The following PCDH15 variants were observed in gnomAD, a reference collection of about 807,000 sequenced individuals.
PCDH15 encodes the protein protocadherin related 15, also known as protocadherin-15.
In PCDH15, 129 loss-of-function variants were observed where a neutral mutation model predicts 178.5. The observed-to-expected ratio is 0.72, with a 90% CI of 0.63 to 0.84. The LOEUF is 0.84. PCDH15 is among the 40% of genes least tolerant of loss of function. The pLI is 0.00. For synonymous variants in PCDH15, 800 were observed against 732.0 expected (o/e 1.09, Z -1.50); for missense variants, 2,230 against 2,099.9 (o/e 1.06, Z -1.21).
intron 2 of PCDH15, among the ~76,000 whole-genome samples, chr10:54,542,424 T>C (rs140080621): frequency 1.5e-3 from 234 of 152,332 alleles, no homozygotes; most frequent in African/African-American, 5.4e-3. Flanking sequence ...GAAGAGTGTT[T>C]GGACTGAGGT....
chr10:54,383,814 G>T (rs563674014), intron 3 of PCDH15, among the ~76,000 whole-genome samples: 1 of 151,592 alleles, frequency 6.6e-6, no homozygotes, highest in African/African-American at 2.4e-5. Context: ...AACAAATATT[G>T]GTTATTTTAT....
intron 2 of PCDH15, among the ~76,000 whole-genome samples, chr10:54,634,487 T>G (rs1322415812): frequency 6.6e-6 from 1 of 152,056 alleles, no homozygotes; most frequent in East Asian, 1.9e-4. Flanking sequence ...TTACTGTATT[T>G]TATCTAAAAC....
chr10:55,037,704 C>T (rs1840773226), intron 2 of PCDH15, among the ~76,000 whole-genome samples: 1 of 152,118 alleles, frequency 6.6e-6, no homozygotes, highest in South Asian at 2.1e-4. Flanking sequence ...GGACTCATGG[C>T]AATGTTACCT....
chr10:54,731,563 T>TATATATATATATATATATATATATGA, intron 1 of PCDH15, among the ~76,000 whole-genome samples: 1 of 49,882 alleles, frequency 2.0e-5, no homozygotes, highest in South Asian at 5.8e-4. Context: ...TATATATATA[T>TATATATATATATATATATATATATGA]ACACACACAC....
chr10:55,217,861 T>C (rs1360706351), intron 1 of PCDH15, among the ~76,000 whole-genome samples: 1 of 152,006 alleles, frequency 6.6e-6, no homozygotes, highest in Non-Finnish European at 1.5e-5. Flanking sequence ...AGAAATTTCA[T>C]GTTTGTGGAA....
At chr10:55,321,625 A>G (rs1469727605), upstream of PCDH15, among the ~76,000 whole-genome samples, 1 of 152,224 alleles carries the variant, frequency 6.6e-6, no homozygotes. Context: ...GGTCACCTAC[A>G]AAGGGAACCC....
chr10:55,255,982 T>G (rs1437300012), intron 1 of PCDH15, among the ~76,000 whole-genome samples: 5 of 152,224 alleles, frequency 3.3e-5, no homozygotes, highest in Admixed American at 3.3e-4. Flanking sequence ...TTTTGGCTTT[T>G]GTTGCCATTG....
intron 26 of PCDH15, among the ~76,000 whole-genome samples, chr10:53,897,309 T>TG (rs138232150): frequency 0.019 from 2,888 of 152,306 alleles, 89 homozygotes; most frequent in African/African-American, 0.066. Flanking sequence ...ACGCAGTACA[T>TG]AGTCAAGAAA....
intron 10 of PCDH15, among the ~76,000 whole-genome samples, chr10:54,210,706 G>A (rs1005216985): frequency 1.3e-5 from 2 of 151,816 alleles, no homozygotes; most frequent in Admixed American, 6.6e-5. Flanking sequence ...CACTGGAAGC[G>A]GTTTAGTATG....
At chr10:54,122,874 TAAAAA>T (rs34113865) in intron 15 of PCDH15, among the ~76,000 whole-genome samples, 1 of 143,726 alleles carries the variant, frequency 7.0e-6, no homozygotes, top group African/African-American at 2.6e-5. Flanking sequence ...AAAACACTGC[TAAAAA>T]AAAAAAAAAG....
chr10:53,952,465 G>A (rs1022558340), intron 23 of PCDH15, among the ~76,000 whole-genome samples: 1 of 152,146 alleles, frequency 6.6e-6, no homozygotes, highest in Non-Finnish European at 1.5e-5. Flanking sequence ...CCTGAGTCTG[G>A]TTGAGACTGG....
chr10:54,142,176 A>G (rs960318640), intron 14 of PCDH15, among the ~76,000 whole-genome samples: 2 of 152,180 alleles, frequency 1.3e-5, no homozygotes, highest in African/African-American at 2.4e-5. Flanking sequence ...CAGAAGTGCT[A>G]TAAGTAGTAT....
intron 2 of PCDH15, among the ~76,000 whole-genome samples, chr10:54,903,614 G>C (rs1324343806): frequency 6.6e-6 from 1 of 151,758 alleles, no homozygotes; most frequent in Non-Finnish European, 1.5e-5. Context: ...TTAAAGAGCA[G>C]TAAGTATAAT....
chr10:54,639,053 T>C (rs2093930369), intron 2 of PCDH15, among the ~76,000 whole-genome samples: 1 of 152,158 alleles, frequency 6.6e-6, no homozygotes, highest in South Asian at 2.1e-4. Context: ...CCACTGTCCC[T>C]TTAATTTTAT....
chr10:54,969,397 A>T (rs1755137399), intron 2 of PCDH15, among the ~76,000 whole-genome samples: 4 of 152,172 alleles, frequency 2.6e-5, no homozygotes. Flanking sequence ...CCATTCTGTG[A>T]ATTAATTTTC....
chr10:54,793,413 GA>G (rs1951626245), intron 1 of PCDH15, among the ~76,000 whole-genome samples: 1 of 151,642 alleles, frequency 6.6e-6, no homozygotes, highest in Admixed American at 6.6e-5. Context: ...CTGCCATTCT[GA>G]AAAATCATGG....
At position 54,532,754 on chromosome 10, in the gene PCDH15, A is replaced by C. The variant is rs535757062; in HGVS notation, c.92-4877T>G. Reference sequence around the variant, plus strand: ...TTGTTTCATTCAATGTCATTTCATTATAACAATGAAAAAAAAAAACAACTA... The same window carrying C: ...TTGTTTCATTCAATGTCATTTCATTCTAACAATGAAAAAAAAAAACAACTA... On this transcript the variant is annotated intron_variant, in intron 2 of 37. Coordinates refer to ENST00000644397, the MANE Select transcript of PCDH15 (RefSeq NM_001384140.1). Among the ~76,000 whole-genome samples the C allele has an allele frequency of 6.8e-5, 10 of 146,666 alleles. No homozygotes were observed. The East Asian group carries it at 1.9e-3, about 28-fold the overall frequency.
chr10:55,479,264 C>A lies in PCDH15; in HGVS notation c.-156+148361G>T, dbSNP rs1840125102. Among the ~76,000 whole-genome samples the A allele has an allele frequency of 2.0e-5, 3 of 151,472 alleles. No individual in the cohort carries two copies. In the South Asian group the frequency reaches 6.2e-4, roughly 31 times the overall value. On this transcript the variant is annotated intron_variant, in intron 2 of 5. Coordinates refer to the PCDH15 transcript ENST00000613346. ...TCAACAAAATCCAAGCCAACTAAAT[C>A]CAAGAGAACATCAAAAAGGTCATTC...
intron 28 of PCDH15, among the ~76,000 whole-genome samples, chr10:53,846,555 T>G (rs2077992044): frequency 6.6e-6 from 1 of 151,954 alleles, no homozygotes; most frequent in African/African-American, 2.4e-5. Flanking sequence ...GCAGATAGCA[T>G]TATTTTAAAA....
Sources: allele counts gnomAD v4.1 joint callset (sites outside exome capture counted in the v4.1 genomes callset), GRCh38; gene constraint gnomAD v4.1.1; transcripts MANE v1.5; gene names NCBI Gene and HGNC (gene_info 2026-07-23, HGNC 2026-07-21).